The following LINGO2 variants were observed in gnomAD, a reference collection of about 807,000 sequenced individuals.
LINGO2 encodes leucine rich repeat and Ig domain containing 2, also known as leucine-rich repeat and immunoglobulin-like domain-containing nogo receptor-interacting protein 2.
LINGO2 carries 14 observed loss-of-function variants against 30.6 expected under a neutral mutation model. The observed-to-expected ratio is 0.46, with a 90% CI of 0.30 to 0.72. The LOEUF (loss-of-function observed/expected upper bound fraction) is 0.72, where lower values mean the gene tolerates loss of function less well. LINGO2 is among the 30% of genes least tolerant of loss of function. The pLI, the probability that LINGO2 is intolerant of heterozygous loss-of-function variation, is 0.07. For synonymous variants in LINGO2, 317 were observed against 288.5 expected (o/e 1.10, Z -1.00); for missense variants, 729 against 751.7 (o/e 0.97, Z 0.35).
chr9:28,970,741 C>A, the LINGO2 span, among the ~76,000 whole-genome samples: 2 of 152,138 alleles, frequency 1.3e-5, no homozygotes, highest in African/African-American at 4.8e-5. Context: ...TGAGTTCCTG[C>A]GATCCTTGAC....
Position 28,148,049 on chromosome 9 carries a change from C to T in LINGO2, c.-86-135644G>A, listed in dbSNP as rs1002955402. Among the ~76,000 whole-genome samples the T allele has an allele frequency of 1.2e-4, 19 of 152,230 alleles. No individual in the cohort carries two copies. The highest frequency in any genetic ancestry group is 4.6e-4 in the African/African-American group (19 of 41,476). On this transcript the variant is annotated intron_variant, in intron 4 of 5. Transcript: ENST00000379992. This position sits in a 1 kb window ranked among gnomAD's most constrained non-coding sequence, Gnocchi z 5.1. Reference sequence around the variant, plus strand: ...CCACAGGTCCTGGCCATGCCATTGGCAACCTGCTCGTCTTGTCCATGAGGC... The same window carrying T: ...CCACAGGTCCTGGCCATGCCATTGGTAACCTGCTCGTCTTGTCCATGAGGC...
chr9:28,797,355 T>TAGAGAGAGGGAGAG, the LINGO2 span, among the ~76,000 whole-genome samples: 1 of 59,296 alleles, frequency 1.7e-5, no homozygotes, highest in Admixed American at 2.1e-4. Flanking sequence ...TATATATATA[T>TAGAGAGAGGGAGAG]ATATAGAGAG....
intron 1 of LINGO2, among the ~76,000 whole-genome samples, chr9:28,506,515 T>TATATATATATAG (rs1554729666): frequency 2.2e-4 from 22 of 100,584 alleles, no homozygotes; most frequent in South Asian, 1.0e-3. Context: ...CATATATATA[T>TATATATATATAG]ATATATAAAC....
chr9:28,736,665 G>T, the LINGO2 span, among the ~76,000 whole-genome samples: 2 of 152,130 alleles, frequency 1.3e-5, no homozygotes, highest in South Asian at 4.2e-4. Context: ...GGTGGCAGGT[G>T]CCTGTAATCC....
the LINGO2 span, among the ~76,000 whole-genome samples, chr9:28,918,559 C>T: frequency 6.6e-6 from 1 of 152,188 alleles, no homozygotes; most frequent in African/African-American, 2.4e-5. Flanking sequence ...ATCAATGGAA[C>T]ATCTGACTTA....
intron 4 of LINGO2, among the ~76,000 whole-genome samples, chr9:28,184,117 T>A (rs766336389): frequency 6.6e-6 from 1 of 152,072 alleles, no homozygotes; most frequent in Non-Finnish European, 1.5e-5. Flanking sequence ...CAGGAAATGC[T>A]CTCTAGAACC....
the LINGO2 span, among the ~76,000 whole-genome samples, chr9:28,839,248 G>A: frequency 6.6e-6 from 1 of 152,166 alleles, no homozygotes; most frequent in South Asian, 2.1e-4. Flanking sequence ...TATTCAGAAG[G>A]TCCCAAGTTG....
At chr9:27,976,896 C>T (rs138974087) in intron 5 of LINGO2, among the ~76,000 whole-genome samples, 8 of 152,140 alleles carry the variant, frequency 5.3e-5, no homozygotes, top group Admixed American at 1.3e-4. Context: ...GGACCACTCT[C>T]GTGGTATTTT....
At chr9:29,013,881 A>G in the LINGO2 span, among the ~76,000 whole-genome samples, 2 of 152,112 alleles carry the variant, frequency 1.3e-5, no homozygotes, top group South Asian at 4.1e-4. Flanking sequence ...CTATCTAGAC[A>G]TCTAAATATT....
rs763945637 is a variant in LINGO2, at chr9:28,049,685, G to T, written c.-86-37280C>A. Among the ~76,000 whole-genome samples the T allele has an allele frequency of 3.3e-5, 5 of 150,684 alleles. 1 individual carries two copies. Among genetic ancestry groups the T allele is most frequent in the Non-Finnish European group, 7.4e-5 (5 of 67,856 alleles). Reference sequence around the variant, plus strand: ...ATAAGGATGAAATGAGACCAAATGTGTAAAGGAGGCATTATAATGCCTGAT... The same window carrying T: ...ATAAGGATGAAATGAGACCAAATGTTTAAAGGAGGCATTATAATGCCTGAT... On this transcript the variant is annotated intron_variant, in intron 4 of 5. Transcript: ENST00000379992.
chr9:28,205,999 T>C (rs926469866), intron 4 of LINGO2, among the ~76,000 whole-genome samples: 11 of 151,896 alleles, frequency 7.2e-5, no homozygotes, highest in African/African-American at 2.7e-4. Flanking sequence ...ACCCTGTCTC[T>C]ACTAAAAATA....
chr9:28,377,545 T>C (rs1821178853), intron 2 of LINGO2, among the ~76,000 whole-genome samples: 2 of 152,118 alleles, frequency 1.3e-5, no homozygotes, highest in Non-Finnish European at 2.9e-5. Flanking sequence ...TTCAACTGTG[T>C]GTGGGGGGGT....
At chr9:28,960,809 A>G in the LINGO2 span, among the ~76,000 whole-genome samples, 259 of 120,482 alleles carry the variant, frequency 2.1e-3, 1 homozygote, top group Middle Eastern at 0.015. Flanking sequence ...TCATCAGAAC[A>G]GTCCATATTC....
the LINGO2 span, among the ~76,000 whole-genome samples, chr9:28,842,736 A>G: frequency 1.3e-5 from 2 of 151,908 alleles, no homozygotes; most frequent in African/African-American, 4.9e-5. Flanking sequence ...ATATTTACAT[A>G]CTTATTTGTG....
chr9:28,806,889 G>A, the LINGO2 span, among the ~76,000 whole-genome samples: 138 of 151,986 alleles, frequency 9.1e-4, no homozygotes, highest in African/African-American at 3.1e-3. Context: ...TTTATAGAGG[G>A]CCATTCTAAG....
At chr9:28,641,397 A>T (rs4879256) in intron 1 of LINGO2, among the ~76,000 whole-genome samples, 42,288 of 151,970 alleles carry the variant, frequency 0.28, 6,800 homozygotes, top group African/African-American at 0.45. Context: ...ACTAAATTAA[A>T]GCTGTTAAAA....
the LINGO2 span, among the ~76,000 whole-genome samples, chr9:28,830,381 A>G: frequency 6.6e-6 from 1 of 152,098 alleles, no homozygotes; most frequent in Non-Finnish European, 1.5e-5. Context: ...TTGTCCACAG[A>G]TTGGGGATTG....
chr9:28,692,022 T>C, the LINGO2 span, among the ~76,000 whole-genome samples: 13 of 152,198 alleles, frequency 8.5e-5, no homozygotes, highest in African/African-American at 2.7e-4. Flanking sequence ...AATGCTTGTG[T>C]TCTGAATCAC....
chr9:28,199,168 T>C (rs1028250832), intron 4 of LINGO2, among the ~76,000 whole-genome samples: 1 of 152,070 alleles, frequency 6.6e-6, no homozygotes, highest in Non-Finnish European at 1.5e-5. Context: ...GGTATTTGGG[T>C]TGTTATTTAT....
Sources: allele counts gnomAD v4.1 joint callset (sites outside exome capture counted in the v4.1 genomes callset), GRCh38; gene constraint gnomAD v4.1.1; non-coding constraint Gnocchi (gnomAD v3.1); transcripts MANE v1.5; gene names NCBI Gene and HGNC (gene_info 2026-07-23, HGNC 2026-07-21).